The following PSIP1 variants were observed in gnomAD, a reference collection of about 807,000 sequenced individuals.
The protein encoded by PSIP1 is PC4 and SFRS1-interacting protein.
A neutral mutation model predicts 74.7 loss-of-function variants in PSIP1; 19 were observed. The observed-to-expected ratio is 0.25, with a 90% confidence interval of 0.18 to 0.37. The LOEUF (loss-of-function observed/expected upper bound fraction) is 0.37, where lower values mean the gene tolerates loss of function less well. Among genes scored for constraint, PSIP1 ranks in the 10% least tolerant of loss-of-function variants. The probability of loss-of-function intolerance (pLI) is 1.00; values close to 1 mark genes in which losing one functional copy is unlikely to be tolerated. For missense variants in PSIP1, 601 were observed against 614.3 expected (o/e 0.98, Z 0.23); for synonymous variants, 222 against 195.3 (o/e 1.14, Z -1.14).
At chr9:15,484,054 C>G (rs1052166002) in intron 6 of PSIP1, among the ~76,000 whole-genome samples, 2 of 150,962 alleles carry the variant, frequency 1.3e-5, no homozygotes, top group African/African-American at 4.9e-5. Flanking sequence ...ATCGCTTGAA[C>G]CCGGGAGGTG....
chr9:15,505,059 C>G (rs1200518069), intron 3 of PSIP1: 1 of 151,580 alleles, frequency 6.6e-6, no homozygotes, highest in African/African-American at 2.4e-5. Context: ...CCACCTCAGC[C>G]TCTGGAGTAG....
chr9:15,507,067 G>C (rs914840228), intron 2 of PSIP1, among the ~76,000 whole-genome samples: 1 of 152,138 alleles, frequency 6.6e-6, no homozygotes. Context: ...TAGTTCTGCA[G>C]GAAATCTATA....
In PSIP1 at chr9:15,490,234, T is replaced by A. The variant is rs943436729; in HGVS notation, c.150-110A>T. 36 of 1,028,350 alleles carry A rather than the reference T, an allele frequency of 3.5e-5. No individual in the cohort carries two copies. Among genetic ancestry groups the A allele is most frequent in the Non-Finnish European group, 4.5e-5 (34 of 749,926 alleles). 63.7% of individuals were successfully genotyped at this position (1,028,350 alleles called of 1,614,324 possible). A position where few individuals can be genotyped will look rare whatever the true frequency, so the allele number is the denominator to read the frequency against. On this transcript the variant is annotated intron_variant, in intron 3 of 15. Coordinates refer to ENST00000380733, the MANE Select transcript of PSIP1 (RefSeq NM_033222.5). Reference sequence around the variant, plus strand: ...CAAAAATACAGAACCTAAACTGCATTACAAATCTTAAATAAGTTAAAGGGC... The same window carrying A: ...CAAAAATACAGAACCTAAACTGCATAACAAATCTTAAATAAGTTAAAGGGC...
At chr9:15,500,692 C>A (rs191114246) in intron 3 of PSIP1, among the ~76,000 whole-genome samples, 4 of 152,208 alleles carry the variant, frequency 2.6e-5, no homozygotes, top group African/African-American at 9.6e-5. Context: ...ATAAATTAGA[C>A]GGGTTTTAAA....
chr9:15,507,374 G>C (rs1036301538), intron 2 of PSIP1, among the ~76,000 whole-genome samples: 2 of 152,172 alleles, frequency 1.3e-5, no homozygotes, highest in African/African-American at 2.4e-5. Context: ...TGTCGGCCAG[G>C]CGCGGTGGCT....
At chr9:15,471,621 GAAT>G (rs771644936) in intron 10 of PSIP1, 101 of 951,288 alleles carry the variant, frequency 1.1e-4, no homozygotes, top group Non-Finnish European at 1.2e-4. Flanking sequence ...ACATTAGAGG[GAAT>G]AATATTTTTG....
chr9:15,481,615 C>T (rs554154567), intron 6 of PSIP1, among the ~76,000 whole-genome samples: 108 of 152,182 alleles, frequency 7.1e-4, no homozygotes, highest in African/African-American at 2.2e-3. Context: ...ACCCAGGAGG[C>T]AGAGATTGCA....
intron 3 of PSIP1, 28 bp from the exon 4 acceptor site, chr9:15,490,152 T>C (rs1348022530): frequency 1.3e-6 from 2 of 1,546,066 alleles, no homozygotes; most frequent in Non-Finnish European, 8.7e-7. Flanking sequence ...AAGATGTGAG[T>C]GCAAAGCAAG....
chr9:15,505,544 C>T (rs1263880813), intron 3 of PSIP1: 1 of 152,148 alleles, frequency 6.6e-6, no homozygotes, highest in Non-Finnish European at 1.5e-5. Context: ...TATTGTATGA[C>T]ACCATTCAAA....
At chr9:15,470,667 T>C (rs1294608988) in intron 10 of PSIP1, 4 of 936,286 alleles carry the variant, frequency 4.3e-6, no homozygotes, top group Non-Finnish European at 5.1e-6. Context: ...TATTTTAAAA[T>C]TTTGGTTACA....
chr9:15,472,603 C>T (rs758501310), intron 10 of PSIP1, 29 bp downstream of exon 10: 19 of 1,560,642 alleles, frequency 1.2e-5, no homozygotes, highest in South Asian at 1.1e-4. Context: ...TAAAAAGAAC[C>T]CAAAATTTAG....
intron 14 of PSIP1, among the ~76,000 whole-genome samples, chr9:15,467,506 T>C (rs1197733266): frequency 6.6e-6 from 1 of 152,160 alleles, no homozygotes; most frequent in Non-Finnish European, 1.5e-5. Context: ...GTTTTAAGAG[T>C]CTTTCATACA....
At chr9:15,504,997 G>C (rs1365432958) in intron 3 of PSIP1, 2 of 146,012 alleles carry the variant, frequency 1.4e-5, no homozygotes. Context: ...GGTCTGCAGT[G>C]GTGAGATCTT....
At chr9:15,482,182 C>G (rs1390867857) in intron 6 of PSIP1, among the ~76,000 whole-genome samples, 3 of 152,102 alleles carry the variant, frequency 2.0e-5, no homozygotes, top group African/African-American at 7.2e-5. Context: ...TTCATAAGTC[C>G]TCCACATCCT....
Position 15,501,866 on chromosome 9 carries a change from T to TATATATATATATATATATATATATAA in PSIP1, c.149+4694_149+4695insTTATATATATATATATATATATATAT, listed in dbSNP as rs1491160431. On this transcript the variant is annotated intron_variant, in intron 3 of 15. Transcript: ENST00000380733. Reference sequence around the variant, plus strand: ...ATATATATATATATATATATATATATAAAACGCACACCCTCCCATATACTT... The same window carrying TATATATATATATATATATATATATAA: ...ATATATATATATATATATATATATATATATATATATATATATATATATATAAAAAACGCACACCCTCCCATATACTT... Among the ~76,000 whole-genome samples, 136 of 135,538 alleles carry TATATATATATATATATATATATATAA rather than the reference T, an allele frequency of 1.0e-3. 2 individuals carry two copies. Among genetic ancestry groups the TATATATATATATATATATATATATAA allele is most frequent in the East Asian group, 5.8e-3 (25 of 4,326 alleles). 88.9% of individuals were successfully genotyped at this position (135,538 alleles called of 152,430 possible).
chr9:15,491,686 C>A (rs1025998419), intron 3 of PSIP1, among the ~76,000 whole-genome samples: 5 of 152,198 alleles, frequency 3.3e-5, no homozygotes, highest in African/African-American at 1.2e-4. Flanking sequence ...GTCAAAAAAT[C>A]TAAGTTGAAC....
intron 10 of PSIP1, chr9:15,471,406 A>G (rs1343274436): frequency 6.7e-7 from 1 of 1,495,464 alleles, no homozygotes; most frequent in South Asian, 1.2e-5. Context: ...TTCAAAAGAA[A>G]CTGAAATACA....
chr9:15,486,953 A>T lies in PSIP1; in HGVS notation c.289-22T>A, dbSNP rs1369471020. ...CTGCCTGTGAGCAATCAACTCTATT[A>T]ATTTCAAAAAATAAGTTTTTATCCC... On this transcript the variant is annotated intron_variant, in intron 4 of 15. Transcript: ENST00000380733. 6.8e-6 allele frequency: 10 copies of T among 1,469,592 alleles called. 1 individual carries two copies. The highest frequency in any genetic ancestry group is 2.8e-5 in the African/African-American group (2 of 70,218). The allele number at this position is 1,469,592 out of a possible 1,614,324, so 91.0% of individuals were successfully genotyped here.
In PSIP1 at chr9:15,490,454, G is replaced by A. The variant is rs186295481; in HGVS notation, c.150-330C>T. On this transcript the variant is annotated intron_variant, in intron 3 of 15. Coordinates refer to ENST00000380733, the MANE Select transcript of PSIP1 (RefSeq NM_033222.5). The stretch of plus-strand genomic sequence containing the variant: ...TCTCACCACTTTGGGAAGCTGAGGC[G>A]GGTGGATCACTTGAGGTCAGGAGTT... 1.1e-4 allele frequency among the ~76,000 whole-genome samples: 16 copies of A among 151,838 alleles called. No individual in the cohort carries two copies. In the East Asian group the frequency reaches 2.3e-3, roughly 22 times the overall value.
Sources: allele counts gnomAD v4.1 joint callset (sites outside exome capture counted in the v4.1 genomes callset), GRCh38; gene constraint gnomAD v4.1.1; transcripts MANE v1.5; gene names NCBI Gene and HGNC (gene_info 2026-07-23, HGNC 2026-07-21).